RNF220: variants seen among roughly 807,000 people sequenced by gnomAD.
The protein encoded by RNF220 is E3 ubiquitin-protein ligase RNF220.
In RNF220, 7 loss-of-function variants were observed where a neutral mutation model predicts 67.1. The observed-to-expected ratio is 0.10, with a 90% CI of 0.06 to 0.20. RNF220 has a LOEUF of 0.20. Ranked by LOEUF, RNF220 falls within the 10% of genes least tolerant of loss-of-function variation. The probability of loss-of-function intolerance (pLI) is 1.00; values close to 1 mark genes in which losing one functional copy is unlikely to be tolerated. For missense variants in RNF220, 565 were observed against 740.3 expected, an observed-to-expected ratio of 0.76 and a Z score of 2.75; for synonymous variants, 270 against 283.2, an observed-to-expected ratio of 0.95 and a Z score of 0.47.
chr1:44,559,297 G>C (rs1240030716), intron 2 of RNF220, among the ~76,000 whole-genome samples: 1 of 152,204 alleles, frequency 6.6e-6, no homozygotes, highest in African/African-American at 2.4e-5. Flanking sequence ...GTGGAAGCAG[G>C]GCTTCCCCTC....
At chr1:44,408,951 C>T (rs1647683892) in intron 1 of RNF220, 1 of 152,390 alleles carries the variant, frequency 6.6e-6, no homozygotes. Flanking sequence ...AGATTACCTA[C>T]TCTCTGAGAC....
intron 2 of RNF220, among the ~76,000 whole-genome samples, chr1:44,470,103 A>G (rs1654672067): frequency 6.6e-6 from 1 of 152,238 alleles, no homozygotes; most frequent in South Asian, 2.1e-4. Flanking sequence ...GGAGGCAGAT[A>G]AAGTAGACAG....
At chr1:44,576,471 G>T (rs932626887) in intron 2 of RNF220, among the ~76,000 whole-genome samples, 2 of 152,118 alleles carry the variant, frequency 1.3e-5, no homozygotes, top group African/African-American at 4.8e-5. Flanking sequence ...TGCCTTCCCT[G>T]GCCTTTGGGC....
intron 2 of RNF220, among the ~76,000 whole-genome samples, chr1:44,450,192 A>G (rs1652525172): frequency 6.6e-6 from 1 of 152,112 alleles, no homozygotes; most frequent in African/African-American, 2.4e-5. Flanking sequence ...CCTGGGCAAC[A>G]AGAGCGAAAC....
At chr1:44,406,622 G>A (rs1435449573) in intron 1 of RNF220, among the ~76,000 whole-genome samples, 1 of 152,226 alleles carries the variant, frequency 6.6e-6, no homozygotes, top group Non-Finnish European at 1.5e-5. Context: ...CCCGGGCCGA[G>A]CGACCTTCTC....
At chr1:44,641,364 C>T (rs1185577909) in intron 8 of RNF220, among the ~76,000 whole-genome samples, 1 of 152,180 alleles carries the variant, frequency 6.6e-6, no homozygotes, top group African/African-American at 2.4e-5. Flanking sequence ...GAAGGGTACT[C>T]TGGGCCATCT....
intron 2 of RNF220, among the ~76,000 whole-genome samples, chr1:44,540,785 C>T (rs1030495591): frequency 2.0e-5 from 3 of 151,442 alleles, no homozygotes; most frequent in South Asian, 2.1e-4. Context: ...AAACCAGCCA[C>T]GCCAGTGTCT....
At chr1:44,489,318 A>G (rs140678020) in intron 2 of RNF220, among the ~76,000 whole-genome samples, 30 of 152,370 alleles carry the variant, frequency 2.0e-4, no homozygotes, top group Admixed American at 5.9e-4. Context: ...AGCATTTGAT[A>G]CTAAGAGATA....
intron 2 of RNF220, among the ~76,000 whole-genome samples, chr1:44,481,121 G>A (rs1408658316): frequency 6.6e-6 from 1 of 152,122 alleles, no homozygotes; most frequent in Non-Finnish European, 1.5e-5. Context: ...GGAGGTGTCT[G>A]GGGATAAAGA....
At chr1:44,451,927 T>G (rs966379265) in intron 2 of RNF220, among the ~76,000 whole-genome samples, 5 of 152,184 alleles carry the variant, frequency 3.3e-5, no homozygotes, top group Non-Finnish European at 7.4e-5. Context: ...CCTTAACTCT[T>G]CTGTCAGTCT....
chr1:44,568,759 C>A (rs1344143495), intron 2 of RNF220, among the ~76,000 whole-genome samples: 3 of 152,148 alleles, frequency 2.0e-5, no homozygotes, highest in Non-Finnish European at 4.4e-5. Context: ...AGTCCGAGCT[C>A]CCCCACCAAC....
Position 44,624,757 on chromosome 1 carries a change from G to A in RNF220, c.805-1540G>A, listed in dbSNP as rs1643891245. ...GTTGCCATTAAGAAAAAAATTAGCC[G>A]GTGGCGGCTATCATATTAAAGGGTG... is the stretch of plus-strand genomic sequence containing the variant. On this transcript the variant is annotated intron_variant, in intron 4 of 14. Coordinates refer to ENST00000361799, the MANE Select transcript of RNF220 (RefSeq NM_018150.4). This position sits in a 1 kb window ranked among gnomAD's most constrained non-coding sequence, Gnocchi z 4.2. 6.6e-6 allele frequency among the ~76,000 whole-genome samples: 1 copy of A among 152,106 alleles called. No individual in the cohort carries two copies. Among genetic ancestry groups the A allele is most frequent in the South Asian group, 2.1e-4 (1 of 4,816 alleles).
chr1:44,446,444 T>TA (rs1652092392), intron 2 of RNF220, among the ~76,000 whole-genome samples: 1 of 152,212 alleles, frequency 6.6e-6, no homozygotes. Flanking sequence ...ATGATTTGCT[T>TA]AGCACCTATG....
At chr1:44,627,034 T>TA (rs1643966188) in intron 5 of RNF220, 5 of 31,888 alleles carry the variant, frequency 1.6e-4, no homozygotes, top group Non-Finnish European at 1.9e-4. Flanking sequence ...AGACTCCATC[T>TA]CAAAAAAAAA....
chr1:44,564,764 A>AG (rs1663855781), intron 2 of RNF220, among the ~76,000 whole-genome samples: 1 of 151,796 alleles, frequency 6.6e-6, no homozygotes, highest in African/African-American at 2.4e-5. Context: ...AAAAAAAAAA[A>AG]AAAAAGAACC....
intron 2 of RNF220, among the ~76,000 whole-genome samples, chr1:44,548,271 C>T (rs1029833289): frequency 3.3e-5 from 5 of 152,142 alleles, no homozygotes; most frequent in African/African-American, 9.7e-5. Context: ...TTCTCCCTGC[C>T]GTCCATCCTC....
intron 7 of RNF220, 158 bp downstream of exon 7, chr1:44,635,746 G>T: frequency 6.8e-7 from 1 of 1,473,644 alleles, no homozygotes; most frequent in Non-Finnish European, 9.0e-7. Context: ...TGAATCTGTG[G>T]GCTCTTGGGG....
chr1:44,475,768 C>T (rs1655246190), intron 2 of RNF220, among the ~76,000 whole-genome samples: 1 of 146,286 alleles, frequency 6.8e-6, no homozygotes, highest in Non-Finnish European at 1.5e-5. Context: ...AATCCCAGCA[C>T]TTTGGGAGGC....
chr1:44,512,525 G>T (rs1293322199), intron 2 of RNF220, among the ~76,000 whole-genome samples: 1 of 152,154 alleles, frequency 6.6e-6, no homozygotes, highest in Non-Finnish European at 1.5e-5. Flanking sequence ...AGCTGAGAGG[G>T]AGTGGCTCCT....
Sources: gnomAD v4.1 joint callset for allele counts (sites outside exome capture counted in the v4.1 genomes callset) on GRCh38, gnomAD v4.1.1 for gene constraint, Gnocchi (gnomAD v3.1) non-coding constraint, MANE v1.5 for transcripts, NCBI Gene and HGNC (gene_info 2026-07-23, HGNC 2026-07-21) for gene names.